Variants in SYNE2 observed in about 807,000 individuals in gnomAD.
The protein encoded by SYNE2 is spectrin repeat containing nuclear envelope protein 2, also known as nesprin-2.
A neutral mutation model predicts 856.3 loss-of-function variants in SYNE2; 431 were observed. The observed-to-expected ratio is 0.50, with a 90% confidence interval of 0.47 to 0.55. The LOEUF is 0.55. SYNE2 is among the 20% of genes least tolerant of loss of function. The pLI, the probability that SYNE2 is intolerant of heterozygous loss-of-function variation, is 0.00. For missense variants in SYNE2, 8,129 were observed against 8,023.2 expected (o/e 1.01, Z -0.50); for synonymous variants, 2,923 against 2,872.3 (o/e 1.02, Z -0.56).
chr14:63,772,377 A>G (rs887884459), intron 1 of SYNE2, among the ~76,000 whole-genome samples: 1 of 151,990 alleles, frequency 6.6e-6, no homozygotes, highest in Non-Finnish European at 1.5e-5. Context: ...CAAACAAACA[A>G]AAAACCTCAG....
intron 76 of SYNE2, among the ~76,000 whole-genome samples, chr14:64,130,883 C>CCA (rs2098011685): frequency 1.0e-5 from 1 of 99,562 alleles, no homozygotes. Flanking sequence ...GACTCTATCT[C>CCA]AAAAAAAAAA....
At chr14:64,223,047 GAT>G in intron 112 of SYNE2, 140 bp from the exon 113 acceptor site, 1 of 776,236 alleles carries the variant, frequency 1.3e-6, no homozygotes, top group Non-Finnish European at 2.2e-6. Flanking sequence ...GACACAGGCA[GAT>G]ATGAGAAATA....
At chr14:64,006,936 C>A in intron 30 of SYNE2, 107 bp from the exon 31 acceptor site, 1 of 864,258 alleles carries the variant, frequency 1.2e-6, no homozygotes, top group Non-Finnish European at 1.9e-6. Context: ...TGGCATTAAC[C>A]ACATGAGGAC....
intron 1 of SYNE2, among the ~76,000 whole-genome samples, chr14:63,772,315 C>G (rs1566557027): frequency 6.6e-6 from 1 of 152,150 alleles, no homozygotes; most frequent in Non-Finnish European, 1.5e-5. Context: ...GGTCATGCCA[C>G]TGTACTCCAG....
At chr14:63,838,655 C>T (rs1036667073) in intron 1 of SYNE2, among the ~76,000 whole-genome samples, 13 of 151,978 alleles carry the variant, frequency 8.6e-5, no homozygotes, top group African/African-American at 2.2e-4. Flanking sequence ...ACTATAGGCA[C>T]GCATAACTGA....
At chr14:63,957,981 G>T (rs886854193) in intron 8 of SYNE2, among the ~76,000 whole-genome samples, 21 of 152,062 alleles carry the variant, frequency 1.4e-4, no homozygotes, top group Admixed American at 1.4e-3. Context: ...GGTGGAGGTT[G>T]CAGTGAGCGG....
intron 99 of SYNE2, chr14:64,191,243 T>G (rs1352620585): frequency 8.5e-6 from 2 of 235,420 alleles, no homozygotes; most frequent in Non-Finnish European, 1.6e-5. Flanking sequence ...CATTGTTTAC[T>G]GGAAACCACA....
chr14:64,137,738 C>A, intron 78 of SYNE2, 49 bp from the exon 79 acceptor site: 1 of 1,594,708 alleles, frequency 6.3e-7, no homozygotes, highest in Non-Finnish European at 8.6e-7. Flanking sequence ...AATAGCTTGG[C>A]AGACTTTATT....
chr14:64,139,719 C>T (rs1380507838), intron 79 of SYNE2, among the ~76,000 whole-genome samples: 1 of 152,008 alleles, frequency 6.6e-6, no homozygotes, highest in African/African-American at 2.4e-5. Flanking sequence ...GGCCTAAAAT[C>T]CTCACTGTTC....
chr14:63,978,124 A>G (rs560510167), intron 13 of SYNE2, 107 bp downstream of exon 13: 1 of 782,918 alleles, frequency 1.3e-6, no homozygotes, highest in African/African-American at 1.7e-5. Flanking sequence ...TTTACCAAGT[A>G]TTCTCCTTTA....
intron 45 of SYNE2, chr14:64,034,704 T>C (rs1423088560): frequency 9.3e-6 from 4 of 432,208 alleles, no homozygotes; most frequent in Non-Finnish European, 1.6e-5. Flanking sequence ...GTATTTGTGC[T>C]TATGATTCAA....
At chr14:64,036,389 G>A (rs2097090780) in intron 45 of SYNE2, among the ~76,000 whole-genome samples, 1 of 152,026 alleles carries the variant, frequency 6.6e-6, no homozygotes, top group African/African-American at 2.4e-5. Flanking sequence ...GGACTCAAGC[G>A]ATCCTCCCAC....
At chr14:64,221,726 C>G in intron 112 of SYNE2, 22 bp downstream of exon 112, 1 of 1,613,398 alleles carries the variant, frequency 6.2e-7, no homozygotes, top group Non-Finnish European at 8.5e-7. Flanking sequence ...CCCAAGGGCT[C>G]TGTACTGCCA....
chr14:63,835,662 C>T (rs922657790), intron 1 of SYNE2, among the ~76,000 whole-genome samples: 1 of 151,946 alleles, frequency 6.6e-6, no homozygotes, highest in Non-Finnish European at 1.5e-5. Flanking sequence ...TTTCTAGTAC[C>T]TCATTTCTTA....
chr14:63,924,832 GTGTTTTTTTTTTTTTT>G lies in SYNE2; in HGVS notation c.79+15607_79+15622del, dbSNP rs1180127622. 7.9e-4 allele frequency among the ~76,000 whole-genome samples: 73 copies of G among 92,856 alleles called. 3 individuals carry two copies. The highest frequency in any genetic ancestry group is 2.1e-3 in the African/African-American group (46 of 22,194). The allele number at this position is 92,856 out of a possible 152,430, so 60.9% of individuals were successfully genotyped here. A position where few individuals can be genotyped will look rare whatever the true frequency, so the allele number is the denominator to read the frequency against. ...TTTAACTTTTTTCCTTCCAGCCTTG[GTGTTTTTTTTTTTTTT>G]TTTTTTTTTTTTTTTGCCTTACTCC... On this transcript the variant is annotated intron_variant, in intron 2 of 115. Transcript: ENST00000555002.
At chr14:64,114,507 C>T (rs1419890970) in intron 66 of SYNE2, among the ~76,000 whole-genome samples, 2 of 152,144 alleles carry the variant, frequency 1.3e-5, no homozygotes, top group Non-Finnish European at 2.9e-5. Flanking sequence ...CTTTGATCCA[C>T]AGTTGTGCAT....
chr14:64,007,069 A>G lies in SYNE2; in HGVS notation c.4424A>G (p.Lys1475Arg), dbSNP rs764573227. The G allele has an allele frequency of 1.9e-6, 3 of 1,613,542 alleles. No homozygotes were observed. The highest frequency in any genetic ancestry group is 2.5e-6 in the Non-Finnish European group (3 of 1,179,660). ...HRKKSLIRLDKVLDEYEEEKR... is the reference protein window; with the variant it reads ...HRKKSLIRLDRVLDEYEEEKR... ...AAAAAATCATTAATCAGACTGGATA[A>G]GGTTCTAGATGAATATGAAGAAGAG... Residue 1475 changes from lysine to arginine, a missense_variant, in exon 31 of 116, where the codon AAG becomes AGG. Physicochemically the swap from Lys to Arg is conservative, Grantham distance 26 (BLOSUM62 2). Coordinates refer to ENST00000555002, the MANE Select transcript of SYNE2 (RefSeq NM_182914.3).
At chr14:64,032,157 A>G (rs927051212) in intron 45 of SYNE2, among the ~76,000 whole-genome samples, 3 of 152,236 alleles carry the variant, frequency 2.0e-5, no homozygotes, top group Non-Finnish European at 2.9e-5. Flanking sequence ...ATAGAAATGC[A>G]TGGAAGATTA....
intron 7 of SYNE2, among the ~76,000 whole-genome samples, chr14:63,952,295 C>T (rs994778786): frequency 6.6e-6 from 1 of 152,198 alleles, no homozygotes. Context: ...TGGTTCAACA[C>T]TCAAGGTGCT....
Sources: gnomAD v4.1 joint callset for allele counts (sites outside exome capture counted in the v4.1 genomes callset) on GRCh38, gnomAD v4.1.1 for gene constraint, MANE v1.5 for transcripts, NCBI Gene and HGNC (gene_info 2026-07-23, HGNC 2026-07-21) for gene names.